ELN: variants seen among roughly 807,000 people sequenced by gnomAD.
ELN encodes elastin.
ELN carries 65 observed loss-of-function variants against 105.8 expected under a neutral mutation model. The ratio of observed to expected loss-of-function variants is 0.61; its 90% confidence interval spans 0.50 to 0.75. The LOEUF (loss-of-function observed/expected upper bound fraction) is 0.75. ELN is among the 30% of genes least tolerant of loss of function. The pLI is 0.00. For synonymous variants in ELN, 368 were observed against 389.2 expected, an observed-to-expected ratio of 0.95 and a Z score of 0.64; for missense variants, 882 against 969.4, an observed-to-expected ratio of 0.91 and a Z score of 1.20.
intron 1 of ELN, among the ~76,000 whole-genome samples, chr7:74,032,961 G>T (rs1789031800): frequency 6.6e-6 from 1 of 152,236 alleles, no homozygotes; most frequent in South Asian, 2.1e-4. Context: ...GGGAAAAAAT[G>T]AAACGTAAGT....
intron 17 of ELN, 89 bp from the exon 18 acceptor site, chr7:74,053,074 C>A: frequency 6.3e-7 from 1 of 1,595,506 alleles, no homozygotes; most frequent in Non-Finnish European, 8.6e-7. Flanking sequence ...GCATTCAGGA[C>A]CAACTGTCAC....
intron 31 of ELN, 101 bp from the exon 32 acceptor site, chr7:74,066,631 C>T (rs1429555712): frequency 8.9e-7 from 1 of 1,119,774 alleles, no homozygotes; most frequent in South Asian, 1.2e-5. Context: ...AGGAGGTGAT[C>T]CCAGACAGAG....
At chr7:74,036,691 T>G in intron 3 of ELN, 107 bp downstream of exon 3, 2 of 1,502,350 alleles carry the variant, frequency 1.3e-6, no homozygotes, top group Middle Eastern at 1.7e-4. Context: ...CATCAAGGAC[T>G]CCCTCATTTC....
chr7:74,035,523 AG>A (rs1554665065), intron 2 of ELN, 109 bp downstream of exon 2: 1 of 1,312,388 alleles, frequency 7.6e-7, no homozygotes, highest in African/African-American at 1.4e-5. Flanking sequence ...CACGCCTACC[AG>A]AAGTCACACC....
At chr7:74,049,868 C>G (rs1793534563) in intron 15 of ELN, among the ~76,000 whole-genome samples, 1 of 147,296 alleles carries the variant, frequency 6.8e-6, no homozygotes, top group Non-Finnish European at 1.5e-5. Flanking sequence ...ATCCATCCAT[C>G]CATTTACCCA....
chr7:74,069,034 A>T lies in ELN; in HGVS notation c.*334A>T. Reference sequence around the variant, plus strand: ...CTGGTGCTCTTATCTTCCTGGGGGGAGGGAGGAGGGAAGGGTGGCCCCTCG... The same window carrying T: ...CTGGTGCTCTTATCTTCCTGGGGGGTGGGAGGAGGGAAGGGTGGCCCCTCG... On this transcript the variant is annotated 3_prime_UTR_variant, in exon 33 of 33. Coordinates refer to ENST00000252034, the MANE Select transcript of ELN (RefSeq NM_000501.4). The T allele has an allele frequency of 2.3e-6, 1 of 425,664 alleles. No individual in the cohort carries two copies. The highest frequency in any genetic ancestry group is 3.6e-5 in the Admixed American group (1 of 27,950). 26.4% of individuals were successfully genotyped at this position (425,664 alleles called of 1,614,324 possible). A position where few individuals can be genotyped will look rare whatever the true frequency, so the allele number is the denominator to read the frequency against.
chr7:74,067,274 C>CTT (rs111440415), intron 32 of ELN, among the ~76,000 whole-genome samples: 1 of 147,252 alleles, frequency 6.8e-6, no homozygotes, highest in Non-Finnish European at 1.5e-5. Flanking sequence ...CTATAGTCTT[C>CTT]TTTTTTTTTT....
At position 74,051,948 on chromosome 7, in the gene ELN, C is replaced by T. The variant is rs782396192; in HGVS notation, c.914C>T (p.Ala305Val). The T allele has an allele frequency of 4.1e-5, 66 of 1,612,574 alleles. No individual in the cohort carries two copies. Among genetic ancestry groups the T allele is most frequent in the South Asian group, 1.3e-4 (12 of 91,072 alleles). Residue 305 changes from alanine (A) to valine (V), a missense_variant, in exon 17 of 33, where the codon GCA becomes GTA. Physicochemically the swap from Ala to Val is moderately conservative, Grantham distance 64. Coordinates refer to ENST00000252034, the MANE Select transcript of ELN (RefSeq NM_000501.4). ...GGCGTTGGGACTCCAGCTGCAGCTGCAGCTGCAGCAGCAGCCGCTAAGGCA... is the reference window on the plus strand; with the variant it reads ...GGCGTTGGGACTCCAGCTGCAGCTGTAGCTGCAGCAGCAGCCGCTAAGGCA... Reference protein sequence around the residue: ...IAGVGTPAAAAAAAAAAKAAK... With the variant: ...IAGVGTPAAAVAAAAAAKAAK...
At chr7:74,062,887 C>T (rs1797001747) in intron 26 of ELN, among the ~76,000 whole-genome samples, 1 of 152,140 alleles carries the variant, frequency 6.6e-6, no homozygotes, top group African/African-American at 2.4e-5. Context: ...CAGTGGTTCA[C>T]ACCTTCGGGA....
In ELN at chr7:74,059,903, G is replaced by A. The variant is rs373060543; in HGVS notation, c.1432G>A (p.Gly478Ser). 2.3e-5 allele frequency: 32 copies of A among 1,415,566 alleles called. No individual in the cohort carries two copies. Among genetic ancestry groups the A allele is most frequent in the African/African-American group, 8.4e-5 (6 of 71,092 alleles). 87.7% of individuals were successfully genotyped at this position (1,415,566 alleles called of 1,614,324 possible). The change falls in exon 23 of 33, where the codon GGC becomes AGC. Residue 478 changes from glycine to serine, a missense_variant. Gly to Ser is a moderately conservative substitution (Grantham distance 56, BLOSUM62 0). Coordinates refer to ENST00000252034, the MANE Select transcript of ELN (RefSeq NM_000501.4). ...TCTTGCAGGGTTAGTTCCTGGTGTC[G>A]GCGTGGCTCCTGGAGTTGGCGTGGC... ...AAQFGLVPGV[G>S]VAPGVGVAPG... is the part of the protein sequence containing the mutation.
chr7:74,035,704 CTA>C, intron 2 of ELN: 1 of 499,054 alleles, frequency 2.0e-6, no homozygotes, highest in East Asian at 3.7e-5. Flanking sequence ...ATCCCCCTCT[CTA>C]CACACACACA....
chr7:74,042,417 G>C (rs1791439158), intron 5 of ELN, among the ~76,000 whole-genome samples, 197 bp from the exon 6 acceptor site: 1 of 149,862 alleles, frequency 6.7e-6, no homozygotes, highest in Non-Finnish European at 1.5e-5. Flanking sequence ...GACAGAGTGA[G>C]ACCTTGTGTC....
chr7:74,050,954 A>C (rs546655354), intron 15 of ELN, among the ~76,000 whole-genome samples: 20 of 152,362 alleles, frequency 1.3e-4, no homozygotes, highest in South Asian at 4.1e-4. Context: ...TGGTGCATAT[A>C]TAAGCATTTA....
chr7:74,062,997 T>C (rs1362231671), intron 26 of ELN, among the ~76,000 whole-genome samples, 156 bp from the exon 27 acceptor site: 1 of 152,134 alleles, frequency 6.6e-6, no homozygotes, highest in Non-Finnish European at 1.5e-5. Flanking sequence ...CAAAACCCCA[T>C]CTCAAAATGA....
chr7:74,043,550 T>A lies in ELN; in HGVS notation c.428-329T>A, dbSNP rs186634705. ...ACTCGTTCTGCCCCACCAAGCCCTT[T>A]AGGAAGTGACTTCAGGTTAAACAAA... On this transcript the variant is annotated intron_variant, in intron 8 of 32. Transcript: ENST00000252034. The A allele has an allele frequency of 3.5e-5, 23 of 659,162 alleles. No homozygotes were observed. The Admixed American group carries it at 4.8e-4, about 14-fold the overall frequency. The allele number at this position is 659,162 out of a possible 1,614,324, so 40.8% of individuals were successfully genotyped here.
At chr7:74,066,853 T>G in intron 32 of ELN, 77 bp downstream of exon 32, 1 of 1,519,376 alleles carries the variant, frequency 6.6e-7, no homozygotes, top group Admixed American at 1.7e-5. Flanking sequence ...TGCCATCTCC[T>G]GCTCAGAAGG....
At chr7:74,028,743 C>T (rs1787999356) in intron 1 of ELN, among the ~76,000 whole-genome samples, 1 of 152,212 alleles carries the variant, frequency 6.6e-6, no homozygotes, top group African/African-American at 2.4e-5. Context: ...TCCTTGACCC[C>T]TGGGAAGCCG....
intron 3 of ELN, among the ~76,000 whole-genome samples, chr7:74,037,044 C>A (rs2131234969): frequency 6.6e-6 from 1 of 152,030 alleles, no homozygotes; most frequent in South Asian, 2.1e-4. Flanking sequence ...TGGTCTCGAA[C>A]TCCCAACTTC....
rs552274876 is a variant in ELN at position 74,048,555 on chromosome 7, C to T, written c.798C>T (p.Phe266=). 15 of 1,613,868 alleles carry T rather than the reference C, an allele frequency of 9.3e-6. No homozygotes were observed. Among genetic ancestry groups the T allele is most frequent in the African/African-American group, 4.0e-5 (3 of 74,970 alleles). Residue 266 remains phenylalanine, a splice_region_variant and synonymous_variant, in exon 15 of 33, where the codon TTC becomes TTT. Transcript: ENST00000252034. The part of the protein sequence containing the change: ...AAAAAKAAAK[F]GAGAAGVLPG... The stretch of plus-strand genomic sequence containing the variant: ...CGGCAGCTAAAGCAGCAGCAAAGTT[C>T]GGTGAGTGCCCCTGGAGTCCCCACC...
Sources: allele counts gnomAD v4.1 joint callset (sites outside exome capture counted in the v4.1 genomes callset), GRCh38; gene constraint gnomAD v4.1.1; transcripts MANE v1.5; gene names NCBI Gene and HGNC (gene_info 2026-07-23, HGNC 2026-07-21).